Variants in PCDHAC1 observed in about 807,000 individuals in gnomAD.
PCDHAC1 encodes the protein protocadherin alpha-C1.
PCDHAC1 carries 42 observed loss-of-function variants against 60.0 expected under a neutral mutation model. The ratio of observed to expected loss-of-function variants is 0.70; its 90% CI spans 0.55 to 0.90. PCDHAC1 has a LOEUF of 0.90. Ranked by LOEUF, PCDHAC1 falls within the 40% of genes least tolerant of loss-of-function variation. The pLI is 0.00. For synonymous variants in PCDHAC1, 468 were observed against 499.3 expected (o/e 0.94, Z 0.84); for missense variants, 1,160 against 1,222.3 (o/e 0.95, Z 0.76).
chr5:141,011,085 T>C lies in PCDHAC1; in HGVS notation c.*1148T>C, dbSNP rs2098419298. The C allele has an allele frequency of 6.5e-6, 1 of 153,776 alleles. No homozygotes were observed. Among genetic ancestry groups the C allele is most frequent in the Non-Finnish European group, 1.5e-5 (1 of 68,046 alleles). The allele number at this position is 153,776 out of a possible 1,614,324, so 9.5% of individuals were successfully genotyped here. A position where few individuals can be genotyped will look rare whatever the true frequency, so the allele number is the denominator to read the frequency against. ...ATGTATTACTAAATAAAATGATCTC[T>C]CTTTCTCTCTCTCTCTCTCTTTTCT... On this transcript the variant is annotated 3_prime_UTR_variant, in exon 4 of 4. Transcript: ENST00000253807.
chr5:140,962,369 AT>A (rs1181838799), intron 1 of PCDHAC1, among the ~76,000 whole-genome samples: 1 of 152,154 alleles, frequency 6.6e-6, no homozygotes, highest in Admixed American at 6.5e-5. Flanking sequence ...GGCTAGTTTG[AT>A]TTTATCTGTT....
chr5:140,995,388 A>G (rs1467282798), intron 3 of PCDHAC1, among the ~76,000 whole-genome samples: 1 of 152,208 alleles, frequency 6.6e-6, no homozygotes. Flanking sequence ...GGCAGGATAA[A>G]GCGGGATGGC....
rs1374151299 is a variant in PCDHAC1 at position 141,010,790 on chromosome 5, A to G, written c.*853A>G. The G allele has an allele frequency of 2.0e-5, 3 of 153,822 alleles. No homozygotes were observed. Among genetic ancestry groups the G allele is most frequent in the Admixed American group, 6.5e-5 (1 of 15,286 alleles). The allele number at this position is 153,822 out of a possible 1,614,324, so 9.5% of individuals were successfully genotyped here. Reference sequence around the variant, plus strand: ...CTTTTCCAATACTTATGCAAAAGCAAAAGAAAACCCCGACACCTCACCTTT... The same window carrying G: ...CTTTTCCAATACTTATGCAAAAGCAGAAGAAAACCCCGACACCTCACCTTT... On this transcript the variant is annotated 3_prime_UTR_variant, in exon 4 of 4. Coordinates refer to ENST00000253807, the MANE Select transcript of PCDHAC1 (RefSeq NM_018898.5).
At chr5:140,985,557 G>A (rs1190905215) in intron 3 of PCDHAC1, among the ~76,000 whole-genome samples, 1 of 152,118 alleles carries the variant, frequency 6.6e-6, no homozygotes, top group East Asian at 1.9e-4. Context: ...GCTTCCAAAA[G>A]GCTTCTTTCT....
chr5:140,930,803 T>C (rs1227085867), intron 1 of PCDHAC1, among the ~76,000 whole-genome samples: 2 of 152,222 alleles, frequency 1.3e-5, no homozygotes, highest in Non-Finnish European at 2.9e-5. Context: ...ATCCAGCATA[T>C]AAGATATGCT....
chr5:140,967,072 C>A, intron 1 of PCDHAC1: 7 of 1,613,106 alleles, frequency 4.3e-6, no homozygotes, highest in Non-Finnish European at 5.9e-6. Context: ...TCTTCGTCAA[C>A]GAGCGCATTG....
intron 1 of PCDHAC1, among the ~76,000 whole-genome samples, chr5:140,970,875 AT>A (rs1213440334): frequency 6.6e-6 from 1 of 152,100 alleles, no homozygotes; most frequent in African/African-American, 2.4e-5. Flanking sequence ...TTGAGAGTAG[AT>A]TTTTCTCATG....
intron 1 of PCDHAC1, among the ~76,000 whole-genome samples, chr5:140,935,798 G>T (rs1302798386): frequency 6.6e-6 from 1 of 151,552 alleles, no homozygotes; most frequent in Non-Finnish European, 1.5e-5. Context: ...ATATAAACGA[G>T]ATTATTTCAT....
At chr5:140,966,356 C>G (rs1300973653) in intron 1 of PCDHAC1, 2 of 400,342 alleles carry the variant, frequency 5.0e-6, no homozygotes, top group Non-Finnish European at 8.8e-6. Flanking sequence ...GGAGATGGGG[C>G]TGGAGAGGCT....
In PCDHAC1 at chr5:141,010,289, C is replaced by G. The variant is rs2098416832; in HGVS notation, c.*352C>G. The G allele has an allele frequency of 4.5e-6, 7 of 1,550,274 alleles. No homozygotes were observed. The highest frequency in any genetic ancestry group is 3.9e-5 in the Admixed American group (2 of 50,654). ...GGGGATCCTGTCTTGATGACACTTG[C>G]AGGGCAGGCTGAAAAGTTTTGAGAT... On this transcript the variant is annotated 3_prime_UTR_variant, in exon 4 of 4. Transcript: ENST00000253807.
At chr5:140,968,539 C>T (rs781815829) in intron 1 of PCDHAC1, 30 of 1,614,078 alleles carry the variant, frequency 1.9e-5, no homozygotes, top group East Asian at 6.7e-5. Context: ...CAGCAGCCTT[C>T]GAGATGGTGC....
chr5:140,929,327 T>A lies in PCDHAC1; in HGVS notation c.2433+2T>A, dbSNP rs782155915. 6.5e-7 allele frequency: 1 copy of A among 1,536,752 alleles called. No homozygotes were observed. The highest frequency in any genetic ancestry group is 2.1e-5 in the Admixed American group (1 of 48,674). On this transcript the variant is annotated splice_donor_variant, in intron 1 of 3. Coordinates refer to ENST00000253807, the MANE Select transcript of PCDHAC1 (RefSeq NM_018898.5). LOFTEE classifies it high-confidence loss of function. ...GATCACGCTAATGTCAATGCCATGG[T>A]AAGCAAATTTTATGGAATTTGATTC...
At chr5:140,968,508 A>C (rs977964716) in intron 1 of PCDHAC1, 1 of 1,613,950 alleles carries the variant, frequency 6.2e-7, no homozygotes, top group African/African-American at 1.3e-5. Context: ...CACATTCTGT[A>C]CCCTACCTCA....
chr5:141,001,159 G>A (rs1332533329), intron 3 of PCDHAC1, among the ~76,000 whole-genome samples: 2 of 152,076 alleles, frequency 1.3e-5, no homozygotes, highest in Non-Finnish European at 2.9e-5. Context: ...ATCTTAATAA[G>A]TAAAATTTAA....
intron 3 of PCDHAC1, among the ~76,000 whole-genome samples, chr5:140,994,387 C>T (rs192635308): frequency 1.3e-5 from 2 of 152,174 alleles, no homozygotes; most frequent in East Asian, 1.9e-4. Context: ...GGGACTAAGT[C>T]AGAGATTATT....
intron 3 of PCDHAC1, among the ~76,000 whole-genome samples, chr5:140,994,729 A>G (rs1382639837): frequency 6.6e-6 from 1 of 152,180 alleles, no homozygotes; most frequent in Non-Finnish European, 1.5e-5. Flanking sequence ...AATACTGGGT[A>G]TTGCAGGATG....
chr5:140,979,592 T>C (rs1554240865), intron 2 of PCDHAC1, among the ~76,000 whole-genome samples: 1 of 152,248 alleles, frequency 6.6e-6, no homozygotes, highest in African/African-American at 2.4e-5. Flanking sequence ...CTAGCTTACT[T>C]TAAATTAACC....
At chr5:140,972,783 C>T (rs1437997582) in intron 1 of PCDHAC1, among the ~76,000 whole-genome samples, 2 of 151,768 alleles carry the variant, frequency 1.3e-5, no homozygotes, top group African/African-American at 4.8e-5. Context: ...TCTGCCTCAG[C>T]CTCCTGAGTA....
Position 140,943,601 on chromosome 5 carries a change from T to C in PCDHAC1, c.2433+14276T>C, listed in dbSNP as rs148231077. ...TCTGAGTGGGGCTGAATTCTAAATA[T>C]AGACTTTGATTCATCTGCATAAGGA... On this transcript the variant is annotated intron_variant, in intron 1 of 3. Coordinates refer to ENST00000253807, the MANE Select transcript of PCDHAC1 (RefSeq NM_018898.5). Among the ~76,000 whole-genome samples the C allele has an allele frequency of 1.9e-3, 291 of 152,290 alleles. 2 individuals carry two copies. The highest frequency in any genetic ancestry group is 6.6e-3 in the African/African-American group (276 of 41,566).
Sources: allele counts gnomAD v4.1 joint callset (sites outside exome capture counted in the v4.1 genomes callset), GRCh38; gene constraint gnomAD v4.1.1; transcripts MANE v1.5; gene names NCBI Gene and HGNC (gene_info 2026-07-23, HGNC 2026-07-21).